The following ANKRD13A variants were observed in gnomAD, a reference collection of about 807,000 sequenced individuals.
ANKRD13A encodes ankyrin repeat domain-containing protein 13A.
In ANKRD13A, 48 loss-of-function variants were observed where a neutral mutation model predicts 81.3. The ratio of observed to expected loss-of-function variants is 0.59; its 90% CI spans 0.47 to 0.75. The LOEUF is 0.75. Ranked by LOEUF, ANKRD13A falls within the 30% of genes least tolerant of loss-of-function variation. The probability of loss-of-function intolerance (pLI) is 0.00; values close to 1 mark genes in which losing one functional copy is unlikely to be tolerated. For missense variants in ANKRD13A, 612 were observed against 734.0 expected (o/e 0.83, Z 1.92); for synonymous variants, 230 against 270.1 (o/e 0.85, Z 1.45).
intron 13 of ANKRD13A, among the ~76,000 whole-genome samples, chr12:110,035,420 C>T (rs1891974942): frequency 6.6e-6 from 1 of 151,810 alleles, no homozygotes; most frequent in South Asian, 2.1e-4. Flanking sequence ...GCCTGGGCAA[C>T]ATAGTGAGAT....
At position 110,019,219 on chromosome 12, in the gene ANKRD13A, G is replaced by A. The variant is rs920788695; in HGVS notation, c.625G>A (p.Glu209Lys). 1.9e-6 allele frequency: 3 copies of A among 1,614,108 alleles called. No individual in the cohort carries two copies. Among genetic ancestry groups the A allele is most frequent in the Non-Finnish European group, 2.5e-6 (3 of 1,179,956 alleles). The change falls in exon 6 of 15, where the codon GAG becomes AAG. Residue 209 changes from glutamate to lysine, a missense_variant. Glu to Lys is a moderately conservative substitution (Grantham distance 56). Coordinates refer to ENST00000261739, the MANE Select transcript of ANKRD13A (RefSeq NM_033121.2). ...TERFDLSQEM[E>K]RLTLDLMKPK... ...ACGCTTCGACCTTTCCCAAGAAATG[G>A]AGCGCCTCACTCTGGACTTGATGAA...
intron 12 of ANKRD13A, chr12:110,032,428 C>T (rs1351031467): frequency 6.6e-6 from 1 of 152,108 alleles, no homozygotes; most frequent in East Asian, 1.9e-4. Flanking sequence ...ATAATATACA[C>T]CTTTACATTC....
chr12:110,006,026 AGG>A, intron 1 of ANKRD13A, among the ~76,000 whole-genome samples: 1 of 152,182 alleles, frequency 6.6e-6, no homozygotes, highest in African/African-American at 2.4e-5. Flanking sequence ...CATGTTGGCC[AGG>A]CTGGTCTTGA....
Position 110,016,439 on chromosome 12 carries a change from T to C in ANKRD13A, c.400+6T>C. ...ATGGGAATTCACCAGCTGGGGTGAG[T>C]GGCTGTGGGCTCGTTATTTATTTCT... is the stretch of plus-strand genomic sequence containing the variant. On this transcript the variant is annotated splice_donor_region_variant and intron_variant, in intron 4 of 14. Transcript: ENST00000261739. 3 of 1,592,030 alleles carry C rather than the reference T, an allele frequency of 1.9e-6. No individual in the cohort carries two copies. Among genetic ancestry groups the C allele is most frequent in the Non-Finnish European group, 2.6e-6 (3 of 1,165,046 alleles).
intron 1 of ANKRD13A, among the ~76,000 whole-genome samples, chr12:110,001,533 G>A (rs1353029505): frequency 1.3e-5 from 2 of 150,972 alleles, no homozygotes; most frequent in Non-Finnish European, 2.9e-5. Context: ...TTCGCCTCCC[G>A]GGTTCCAGCG....
intron 1 of ANKRD13A, among the ~76,000 whole-genome samples, chr12:110,007,849 T>C (rs1890318508): frequency 6.6e-6 from 1 of 152,244 alleles, no homozygotes; most frequent in Admixed American, 6.5e-5. Flanking sequence ...TGTAGAAATA[T>C]AATTGATTAG....
rs1406571355 is a variant in ANKRD13A at position 110,029,838 on chromosome 12, AG to A, written c.1234+204del. Among the ~76,000 whole-genome samples the A allele has an allele frequency of 3.9e-5, 6 of 152,318 alleles. No homozygotes were observed. The East Asian group carries it at 7.7e-4, about 20-fold the overall frequency. On this transcript the variant is annotated intron_variant, in intron 11 of 14. Transcript: ENST00000261739. ...TGGTTCATTTTGTGTATCAAAGTCAAGAGATCTCCAACCATCATTTCTATTT... is the reference window on the plus strand; with the variant it reads ...TGGTTCATTTTGTGTATCAAAGTCAAAGATCTCCAACCATCATTTCTATTT...
At chr12:110,017,606 A>C (rs1890858949) in intron 4 of ANKRD13A, among the ~76,000 whole-genome samples, 2 of 152,196 alleles carry the variant, frequency 1.3e-5, no homozygotes, top group Non-Finnish European at 2.9e-5. Context: ...TTTCTAATGC[A>C]CATAGTCACT....
chr12:110,030,846 G>C (rs367685556), intron 12 of ANKRD13A, 88 bp downstream of exon 12: 1 of 748,428 alleles, frequency 1.3e-6, no homozygotes. Context: ...TGTAATCCCA[G>C]CACTTTGGGA....
chr12:110,009,627 T>C (rs1368445165), intron 1 of ANKRD13A, among the ~76,000 whole-genome samples: 1 of 152,238 alleles, frequency 6.6e-6, no homozygotes, highest in Non-Finnish European at 1.5e-5. Flanking sequence ...AAAATCACAC[T>C]GTCATCATAA....
intron 6 of ANKRD13A, chr12:110,021,035 T>C: frequency 2.3e-6 from 1 of 429,754 alleles, no homozygotes; most frequent in South Asian, 1.6e-5. Flanking sequence ...CCCCACTGAG[T>C]ATAAATGGGA....
intron 6 of ANKRD13A, chr12:110,022,579 A>C (rs1467865806): frequency 6.6e-6 from 1 of 152,240 alleles, no homozygotes; most frequent in Non-Finnish European, 1.5e-5. Context: ...CCCAGCGTGC[A>C]TGAAGGGTGA....
intron 1 of ANKRD13A, among the ~76,000 whole-genome samples, chr12:110,007,132 CG>C (rs1024679193): frequency 7.9e-5 from 12 of 152,090 alleles, no homozygotes; most frequent in African/African-American, 2.9e-4. Flanking sequence ...AATTGGCAAG[CG>C]TGAAATGTGA....
At chr12:110,005,358 T>A (rs1302043840) in intron 1 of ANKRD13A, among the ~76,000 whole-genome samples, 10 of 152,198 alleles carry the variant, frequency 6.6e-5, no homozygotes, top group African/African-American at 1.9e-4. Flanking sequence ...TTGCCCAGAC[T>A]GGGCTCAAGC....
chr12:110,028,183 C>A, intron 9 of ANKRD13A: 1 of 322,874 alleles, frequency 3.1e-6, no homozygotes, highest in Non-Finnish European at 5.7e-6. Flanking sequence ...ACTATCAAAG[C>A]TAGACAGGGA....
intron 1 of ANKRD13A, among the ~76,000 whole-genome samples, chr12:110,004,390 C>T (rs1448965671): frequency 6.6e-6 from 1 of 151,840 alleles, no homozygotes; most frequent in Non-Finnish European, 1.5e-5. Flanking sequence ...CCGAGGTGGG[C>T]GGATCACCTG....
Position 110,030,741 on chromosome 12 carries a change from G to T in ANKRD13A, c.1331G>T (p.Gly444Val). 6.3e-7 allele frequency: 1 copy of T among 1,595,506 alleles called. No individual in the cohort carries two copies. Among genetic ancestry groups the T allele is most frequent in the Non-Finnish European group, 8.5e-7 (1 of 1,170,722 alleles). ...AEESVSQNVE[G>V]TQADSASHIT... ...GAATCTGTATCTCAAAATGTGGAAG[G>T]GACCCAGGCTGATTCAGGTAAAAAA... The change falls in exon 12 of 15, where the codon GGG (glycine) becomes GTG (valine). Residue 444 changes from glycine (G) to valine (V), a missense_variant. Coordinates refer to ENST00000261739, the MANE Select transcript of ANKRD13A (RefSeq NM_033121.2).
At position 110,039,080 on chromosome 12, in the gene ANKRD13A, T is replaced by TG. The variant is rs1892224890; in HGVS notation, c.*1527dup. 6.6e-6 allele frequency: 1 copy of TG among 152,100 alleles called. No homozygotes were observed. The highest frequency in any genetic ancestry group is 2.4e-5 in the African/African-American group (1 of 41,384). The allele number at this position is 152,100 out of a possible 1,614,324, so 9.4% of individuals were successfully genotyped here. On this transcript the variant is annotated 3_prime_UTR_variant, in exon 15 of 15. Transcript: ENST00000261739. ...CACAATCTGTTTTGTTTTTTTTTTTTGTCATTGTCTGACCAAAATTCCTTC... is the reference window on the plus strand; with the variant it reads ...CACAATCTGTTTTGTTTTTTTTTTTTGGTCATTGTCTGACCAAAATTCCTTC...
intron 14 of ANKRD13A, 67 bp from the exon 15 acceptor site, chr12:110,037,292 G>A: frequency 6.8e-7 from 1 of 1,476,578 alleles, no homozygotes; most frequent in Non-Finnish European, 9.3e-7. Context: ...GTTAAGAAAT[G>A]TAGTTACTGC....
Sources: gnomAD v4.1 joint callset for allele counts (sites outside exome capture counted in the v4.1 genomes callset) on GRCh38, gnomAD v4.1.1 for gene constraint, MANE v1.5 for transcripts, NCBI Gene and HGNC (gene_info 2026-07-23, HGNC 2026-07-21) for gene names.